Variants in PPP1R37 observed in about 807,000 individuals in gnomAD.
The protein encoded by PPP1R37 is protein phosphatase 1 regulatory subunit 37.
PPP1R37 carries 21 observed loss-of-function variants against 61.0 expected under a neutral mutation model. That is an observed-to-expected ratio of 0.34 (90% confidence interval 0.24 to 0.50). The LOEUF (loss-of-function observed/expected upper bound fraction) is 0.50. PPP1R37 is among the 20% of genes least tolerant of loss of function. PPP1R37 has a pLI of 0.98. For missense variants in PPP1R37, 910 were observed against 952.7 expected (o/e 0.96, Z 0.59); for synonymous variants, 443 against 433.5 (o/e 1.02, Z -0.27).
chr19:45,119,091 C>T (rs927150104), intron 1 of PPP1R37, among the ~76,000 whole-genome samples: 1 of 151,896 alleles, frequency 6.6e-6, no homozygotes, highest in Non-Finnish European at 1.5e-5. Context: ...TGGGTTCAAG[C>T]GATTCTCCTG....
At chr19:45,093,955 A>G (rs78018685) in intron 1 of PPP1R37, among the ~76,000 whole-genome samples, 1,613 of 152,274 alleles carry the variant, frequency 0.011, 13 homozygotes, top group Non-Finnish European at 0.017. Flanking sequence ...AAAGAGGTTA[A>G]GTTGCTGGTC....
At chr19:45,108,608 A>T (rs1389996773) in intron 1 of PPP1R37, 1 of 147,828 alleles carries the variant, frequency 6.8e-6, no homozygotes, top group Non-Finnish European at 1.5e-5. Context: ...ACTACTAGTT[A>T]ACTTCGGTTT....
chr19:45,129,158 A>C, intron 1 of PPP1R37: 1 of 360,368 alleles, frequency 2.8e-6, no homozygotes, highest in South Asian at 2.8e-5. Flanking sequence ...TGTTTTTCCC[A>C]CCCCTTCAAT....
intron 1 of PPP1R37, among the ~76,000 whole-genome samples, chr19:45,106,966 G>A (rs113790698): frequency 0.14 from 21,545 of 151,290 alleles, 1,706 homozygotes; most frequent in Non-Finnish European, 0.17. Context: ...ACAGGCGCCC[G>A]CCACCATGCC....
chr19:45,142,580 G>C, intron 7 of PPP1R37, 122 bp downstream of exon 7: 1 of 1,052,116 alleles, frequency 9.5e-7, no homozygotes, highest in South Asian at 1.6e-5. Context: ...TCCTGCTGGG[G>C]CTCCCAGGAG....
intron 1 of PPP1R37, among the ~76,000 whole-genome samples, chr19:45,105,048 G>A (rs897779785): frequency 6.6e-6 from 1 of 152,208 alleles, no homozygotes; most frequent in Non-Finnish European, 1.5e-5. Context: ...GGTTGGGTTT[G>A]GTGCCACTGT....
chr19:45,125,114 G>T (rs866494979), intron 1 of PPP1R37, among the ~76,000 whole-genome samples: 2 of 152,158 alleles, frequency 1.3e-5, no homozygotes, highest in Non-Finnish European at 2.9e-5. Context: ...GGGTCTGAAG[G>T]GTCCTGAATA....
chr19:45,135,574 C>G (rs75463276), intron 1 of PPP1R37, among the ~76,000 whole-genome samples: 3,693 of 152,292 alleles, frequency 0.024, 45 homozygotes, highest in South Asian at 0.059. Flanking sequence ...CTCCAGAGCT[C>G]CTGAGCCAGG....
In PPP1R37 at chr19:45,112,573, G is replaced by A. The variant is rs116642896; in HGVS notation, c.202+19046G>A. On this transcript the variant is annotated intron_variant, in intron 1 of 12. Transcript: ENST00000221462. ...GTAGTTATGTTCTGGGGGGCAATGC[G>A]AACAAGACTCACAGTCCCTGCCCTC... Among the ~76,000 whole-genome samples, 1,350 of 152,280 alleles carry A rather than the reference G, an allele frequency of 8.9e-3. 22 individuals carry two copies. The highest frequency in any genetic ancestry group is 0.031 in the African/African-American group (1,288 of 41,540).
At chr19:45,128,514 G>C in intron 1 of PPP1R37, 1 of 1,047,992 alleles carries the variant, frequency 9.5e-7, no homozygotes, top group Admixed American at 2.0e-5. Context: ...TTTGCAGCGA[G>C]AAGACAAGGT....
intron 2 of PPP1R37, among the ~76,000 whole-genome samples, chr19:45,138,817 T>C (rs1185178218): frequency 6.6e-6 from 1 of 151,952 alleles, no homozygotes; most frequent in East Asian, 1.9e-4. Context: ...GACATTCAGG[T>C]ATCTGTCAGC....
Position 45,120,208 on chromosome 19 carries a change from A to G in PPP1R37, c.203-18306A>G, listed in dbSNP as rs547364289. On this transcript the variant is annotated intron_variant, in intron 1 of 12. Transcript: ENST00000221462. The stretch of plus-strand genomic sequence containing the variant: ...AATGTTTTGTATTTTTAGTAGAGAC[A>G]AGGTTTCACTGTGTTAGCCAGGATG... 9.5e-3 allele frequency among the ~76,000 whole-genome samples: 1,447 copies of G among 151,918 alleles called. 18 individuals carry two copies. Among genetic ancestry groups the G allele is most frequent in the Non-Finnish European group, 0.015 (985 of 67,928 alleles).
At chr19:45,094,933 C>T (rs1051541127) in intron 1 of PPP1R37, among the ~76,000 whole-genome samples, 1 of 152,116 alleles carries the variant, frequency 6.6e-6, no homozygotes, top group African/African-American at 2.4e-5. Flanking sequence ...TCGCTTGGGA[C>T]ATGCAGGGCA....
intron 1 of PPP1R37, among the ~76,000 whole-genome samples, chr19:45,124,947 G>C (rs113468364): frequency 6.6e-6 from 1 of 152,144 alleles, no homozygotes; most frequent in Middle Eastern, 3.2e-3. Context: ...CTCCAGCCTG[G>C]GTGACAGATG....
intron 1 of PPP1R37, among the ~76,000 whole-genome samples, chr19:45,111,456 T>A (rs889146506): frequency 1.4e-4 from 22 of 152,062 alleles, no homozygotes; most frequent in African/African-American, 5.3e-4. Context: ...TGTATTTTTT[T>A]AGTAGAGACA....
intron 1 of PPP1R37, among the ~76,000 whole-genome samples, chr19:45,131,304 AG>A (rs1361038577): frequency 6.6e-6 from 1 of 152,074 alleles, no homozygotes; most frequent in African/African-American, 2.4e-5. Flanking sequence ...GCTGCACAGC[AG>A]CATCTCTCCC....
chr19:45,146,583 G>A lies in PPP1R37; in HGVS notation c.*21G>A, dbSNP rs761223094. 1.9e-5 allele frequency: 16 copies of A among 840,878 alleles called. No homozygotes were observed. The highest frequency in any genetic ancestry group is 4.8e-5 in the South Asian group (3 of 62,566). The allele number at this position is 840,878 out of a possible 1,614,324, so 52.1% of individuals were successfully genotyped here. A position where few individuals can be genotyped will look rare whatever the true frequency, so the allele number is the denominator to read the frequency against. ...TCTCCTCCCCAAGTTCCCTTTTTCC[G>A]GTCGGTCTGCGATGAGCTGAGGCCA... On this transcript the variant is annotated 3_prime_UTR_variant, in exon 13 of 13. Coordinates refer to ENST00000221462, the MANE Select transcript of PPP1R37 (RefSeq NM_019121.2).
intron 1 of PPP1R37, among the ~76,000 whole-genome samples, chr19:45,106,945 T>C (rs1202721683): frequency 6.6e-6 from 1 of 150,676 alleles, no homozygotes; most frequent in South Asian, 2.1e-4. Context: ...GCCTCCCAAG[T>C]TGCTGAGACT....
At chr19:45,110,212 C>A (rs1161458022) in intron 1 of PPP1R37, among the ~76,000 whole-genome samples, 1 of 150,822 alleles carries the variant, frequency 6.6e-6, no homozygotes, top group African/African-American at 2.4e-5. Flanking sequence ...ATCTCCTGGG[C>A]CCAGGTGATC....
Sources: allele counts gnomAD v4.1 joint callset (sites outside exome capture counted in the v4.1 genomes callset), GRCh38; gene constraint gnomAD v4.1.1; transcripts MANE v1.5; gene names NCBI Gene and HGNC (gene_info 2026-07-23, HGNC 2026-07-21).